Variants in SLC27A2 observed in about 807,000 individuals in gnomAD.
The protein encoded by SLC27A2 is long-chain fatty acid transport protein 2.
SLC27A2 carries 54 observed loss-of-function variants against 60.0 expected under a neutral mutation model. The observed-to-expected ratio is 0.90, with a 90% confidence interval of 0.72 to 1.13. The LOEUF (loss-of-function observed/expected upper bound fraction) is 1.13. SLC27A2 is among the 50% of genes most tolerant of loss of function. The probability of loss-of-function intolerance (pLI) is 0.00; values close to 1 mark genes in which losing one functional copy is unlikely to be tolerated. For synonymous variants in SLC27A2, 297 were observed against 297.6 expected (o/e 1.00, Z 0.02); for missense variants, 739 against 777.6 (o/e 0.95, Z 0.59).
intron 1 of SLC27A2, among the ~76,000 whole-genome samples, chr15:50,195,311 G>GAAA (rs745744454): frequency 1.8e-3 from 195 of 110,972 alleles, no homozygotes; most frequent in African/African-American, 6.0e-3. Flanking sequence ...CTAAAAATAT[G>GAAA]AAAAAAAAAA....
At chr15:50,224,204 G>T (rs756123939) in intron 5 of SLC27A2, among the ~76,000 whole-genome samples, 1 of 152,248 alleles carries the variant, frequency 6.6e-6, no homozygotes, top group Non-Finnish European at 1.5e-5. Context: ...ACTTTGGGAG[G>T]CCGAGGCAGG....
At chr15:50,187,217 C>G (rs1158591554) in intron 1 of SLC27A2, among the ~76,000 whole-genome samples, 4 of 152,196 alleles carry the variant, frequency 2.6e-5, no homozygotes, top group Non-Finnish European at 5.9e-5. Flanking sequence ...GACTTTCTCT[C>G]TGTTGTACAT....
chr15:50,185,343 G>T (rs1290722808), intron 1 of SLC27A2, among the ~76,000 whole-genome samples: 1 of 152,118 alleles, frequency 6.6e-6, no homozygotes, highest in African/African-American at 2.4e-5. Context: ...ACCTCTGAGG[G>T]AGGCCACATA....
rs145171037 is a variant in SLC27A2, at chr15:50,182,823, G to A, written c.396G>A (p.Ala132=). ...TGGTGAAGCTGGGCTGTGCCATGGC[G>A]TGCCTCAATTACAACATCCGCGCGA... The part of the protein sequence containing the change: ...LGLVKLGCAM[A]CLNYNIRAKS... Residue 132 remains alanine, a synonymous_variant, in exon 1 of 10, where the codon GCG becomes GCA. Coordinates refer to ENST00000267842, the MANE Select transcript of SLC27A2 (RefSeq NM_003645.4). 8.1e-4 allele frequency: 1,309 copies of A among 1,613,452 alleles called. 9 individuals are homozygous for A. The African/African-American group carries it at 0.015, about 19-fold the overall frequency.
At chr15:50,233,239 T>C (rs1180452746) in intron 8 of SLC27A2, among the ~76,000 whole-genome samples, 2 of 152,154 alleles carry the variant, frequency 1.3e-5, no homozygotes, top group Non-Finnish European at 2.9e-5. Context: ...CATTAGAACC[T>C]TGATTAGATA....
rs17848319 is a variant in SLC27A2 at position 50,197,421 on chromosome 15, T to G, written c.479-79T>G. 1,158 of 1,096,816 alleles carry G rather than the reference T, an allele frequency of 1.1e-3. 9 individuals carry two copies. The East Asian group carries it at 0.015, about 14-fold the overall frequency. 67.9% of individuals were successfully genotyped at this position (1,096,816 alleles called of 1,614,324 possible). A position where few individuals can be genotyped will look rare whatever the true frequency, so the allele number is the denominator to read the frequency against. ...GCAAAAAATTATGCTGAAAATAAAA[T>G]TATGATGCTTGTTGAAGCACTAATA... On this transcript the variant is annotated intron_variant, in intron 1 of 9. Coordinates refer to ENST00000267842, the MANE Select transcript of SLC27A2 (RefSeq NM_003645.4).
intron 4 of SLC27A2, among the ~76,000 whole-genome samples, chr15:50,206,894 C>T (rs1439768620): frequency 2.0e-5 from 3 of 152,158 alleles, no homozygotes; most frequent in African/African-American, 7.2e-5. Context: ...GATTTTTTGG[C>T]ATATTCAATA....
chr15:50,193,981 G>A (rs2044994268), intron 1 of SLC27A2, among the ~76,000 whole-genome samples: 1 of 151,976 alleles, frequency 6.6e-6, no homozygotes, highest in Admixed American at 6.6e-5. Flanking sequence ...CAACGTAGCG[G>A]GACATCATCT....
In SLC27A2 at chr15:50,195,330, AAAAC is replaced by A. The variant is rs2045005359; in HGVS notation, c.479-2162_479-2159del. On this transcript the variant is annotated intron_variant, in intron 1 of 9. Coordinates refer to ENST00000267842, the MANE Select transcript of SLC27A2 (RefSeq NM_003645.4). ...AAATATGAAAAAAAAAAAAAAAACAAAAACAAACAAATTAGCCAGGTGTGGTGGC... is the reference window on the plus strand; with the variant it reads ...AAATATGAAAAAAAAAAAAAAAACAAAAACAAATTAGCCAGGTGTGGTGGC... Among the ~76,000 whole-genome samples the A allele has an allele frequency of 2.0e-5, 3 of 151,102 alleles. No individual in the cohort carries two copies. In the South Asian group the frequency reaches 6.3e-4, roughly 32 times the overall value.
At chr15:50,231,724 A>G (rs1420742237) in intron 8 of SLC27A2, among the ~76,000 whole-genome samples, 1 of 152,208 alleles carries the variant, frequency 6.6e-6, no homozygotes, top group Non-Finnish European at 1.5e-5. Flanking sequence ...CTGAAACAGA[A>G]CAAAGGGAAG....
At chr15:50,213,941 A>G (rs1279848813) in intron 4 of SLC27A2, among the ~76,000 whole-genome samples, 2 of 152,060 alleles carry the variant, frequency 1.3e-5, no homozygotes, top group African/African-American at 4.8e-5. Flanking sequence ...ACCCAGCAGA[A>G]GAAGGGAAAT....
chr15:50,232,719 G>A (rs2045324138), intron 8 of SLC27A2, among the ~76,000 whole-genome samples: 1 of 152,182 alleles, frequency 6.6e-6, no homozygotes, highest in Non-Finnish European at 1.5e-5. Flanking sequence ...GGAGCTTATT[G>A]GAGACACTTG....
intron 9 of SLC27A2, 61 bp from the exon 10 acceptor site, chr15:50,235,859 G>T: frequency 1.0e-5 from 14 of 1,341,568 alleles, no homozygotes; most frequent in South Asian, 1.4e-5. Context: ...CCTACCCCTT[G>T]CTCTGCATCC....
At position 50,227,179 on chromosome 15, in the gene SLC27A2, G is replaced by A. The variant is rs2045285000; in HGVS notation, c.1457+1G>A. ...ACGACAGAGTTGGAGATACATTCCGGTTGGTTTTTCTGAATCATTGAGCCA... is the reference window on the plus strand; with the variant it reads ...ACGACAGAGTTGGAGATACATTCCGATTGGTTTTTCTGAATCATTGAGCCA... On this transcript the variant is annotated splice_donor_variant, in intron 7 of 9. Transcript: ENST00000267842. LOFTEE classifies it high-confidence loss of function. The A allele has an allele frequency of 6.2e-7, 1 of 1,612,832 alleles. No individual in the cohort carries two copies. The highest frequency in any genetic ancestry group is 8.5e-7 in the Non-Finnish European group (1 of 1,179,318).
intron 6 of SLC27A2, among the ~76,000 whole-genome samples, chr15:50,226,459 T>C (rs910281403): frequency 1.3e-5 from 2 of 152,150 alleles, no homozygotes; most frequent in Non-Finnish European, 2.9e-5. Context: ...AGGCCAGGTG[T>C]GGTGGCTCAC....
At position 50,182,297 on chromosome 15, in the gene SLC27A2, C is replaced by T. The variant is rs2044859745; in HGVS notation, c.-131C>T. ...GAGCTCTGTCTTCCCCTTCATCTCA[C>T]GCGAGCCCGGCGTCCCGCCGCGTGC... On this transcript the variant is annotated 5_prime_UTR_variant, in exon 1 of 10. It adds an upstream start codon to the 5' untranslated region. Coordinates refer to ENST00000267842, the MANE Select transcript of SLC27A2 (RefSeq NM_003645.4). 1 of 1,302,386 alleles carries T rather than the reference C, an allele frequency of 7.7e-7. No homozygotes were observed. The allele number at this position is 1,302,386 out of a possible 1,614,324, so 80.7% of individuals were successfully genotyped here.
rs78784412 is a variant in SLC27A2, at chr15:50,222,461, T to C, written c.973-504T>C. 4.0e-3 allele frequency among the ~76,000 whole-genome samples: 615 copies of C among 152,348 alleles called. 6 individuals carry two copies. The highest frequency in any genetic ancestry group is 0.014 in the African/African-American group (584 of 41,576). ...CACTGGACTGTGTTTCCTGTTTTCT[T>C]CTTTATTGTCATAAAAATCCTAGAC... On this transcript the variant is annotated intron_variant, in intron 4 of 9. Coordinates refer to ENST00000267842, the MANE Select transcript of SLC27A2 (RefSeq NM_003645.4).
At chr15:50,231,130 T>C (rs924332338) in intron 8 of SLC27A2, among the ~76,000 whole-genome samples, 5 of 150,480 alleles carry the variant, frequency 3.3e-5, no homozygotes, top group Non-Finnish European at 7.4e-5. Flanking sequence ...AAAATACCAC[T>C]GAATTGTACA....
intron 4 of SLC27A2, among the ~76,000 whole-genome samples, chr15:50,214,962 T>C (rs2433284): frequency 0.84 from 127,379 of 152,146 alleles, 53,777 homozygotes; most frequent in Non-Finnish European, 0.9. Flanking sequence ...AAGTCCTAGC[T>C]AGACCAATCA....
Sources: allele counts gnomAD v4.1 joint callset (sites outside exome capture counted in the v4.1 genomes callset), GRCh38; gene constraint gnomAD v4.1.1; transcripts MANE v1.5; gene names NCBI Gene and HGNC (gene_info 2026-07-23, HGNC 2026-07-21).